The following PTPRD variants were observed in gnomAD, a reference collection of about 807,000 sequenced individuals.
PTPRD encodes the protein receptor-type tyrosine-protein phosphatase delta.
A neutral mutation model predicts 214.5 loss-of-function variants in PTPRD; 34 were observed. The ratio of observed to expected loss-of-function variants is 0.16; its 90% CI spans 0.12 to 0.21. The LOEUF is 0.21. Ranked by LOEUF, PTPRD falls within the 10% of genes least tolerant of loss-of-function variation. PTPRD has a pLI of 1.00. For missense variants in PTPRD, 2,545 were observed against 2,398.7 expected (o/e 1.06, Z -1.27); for synonymous variants, 1,128 against 845.7 (o/e 1.33, Z -5.79).
At chr9:10,593,928 T>C (rs1460632674) in intron 2 of PTPRD, among the ~76,000 whole-genome samples, 1 of 152,012 alleles carries the variant, frequency 6.6e-6, no homozygotes, top group Non-Finnish European at 1.5e-5. Flanking sequence ...AGCTTTTCTC[T>C]CTCAATGCCA....
At chr9:9,540,653 AAT>A (rs2077401420) in intron 8 of PTPRD, among the ~76,000 whole-genome samples, 1 of 151,772 alleles carries the variant, frequency 6.6e-6, no homozygotes, top group South Asian at 2.1e-4. Context: ...TGTGGTAAAA[AAT>A]ATGTTTTATT....
At chr9:8,875,680 T>A (rs1368922572) in intron 11 of PTPRD, among the ~76,000 whole-genome samples, 1 of 152,170 alleles carries the variant, frequency 6.6e-6, no homozygotes, top group Non-Finnish European at 1.5e-5. Flanking sequence ...TGCTCAATAA[T>A]AAGCATCACC....
At chr9:9,026,372 C>G (rs1045872951) in intron 10 of PTPRD, among the ~76,000 whole-genome samples, 1 of 151,798 alleles carries the variant, frequency 6.6e-6, no homozygotes, top group Non-Finnish European at 1.5e-5. Context: ...TTATGTAAGG[C>G]TTTGTAAGTC....
chr9:9,740,361 A>ATTTTTTTTTTTTTTTTTT (rs35876773), intron 6 of PTPRD, among the ~76,000 whole-genome samples: 2 of 145,600 alleles, frequency 1.4e-5, no homozygotes, highest in African/African-American at 2.5e-5. Context: ...TAAAACTACT[A>ATTTTTTTTTTTTTTTTTT]TTTTTTTTTT....
intron 9 of PTPRD, among the ~76,000 whole-genome samples, chr9:9,299,134 G>C (rs1019514789): frequency 6.6e-6 from 1 of 151,726 alleles, no homozygotes; most frequent in Non-Finnish European, 1.5e-5. Context: ...ATATAGGGAG[G>C]TGAACGGTAA....
At chr9:8,491,488 A>G (rs1475085485) in intron 27 of PTPRD, among the ~76,000 whole-genome samples, 1 of 152,154 alleles carries the variant, frequency 6.6e-6, no homozygotes, top group African/African-American at 2.4e-5. Flanking sequence ...TGACATATTT[A>G]TAAGTGTAGG....
At chr9:10,082,840 A>AACACACACACACACACAAACACAC (rs2098265533) in intron 3 of PTPRD, among the ~76,000 whole-genome samples, 9 of 128,232 alleles carry the variant, frequency 7.0e-5, no homozygotes, top group African/African-American at 2.6e-4. Flanking sequence ...CACACACACA[A>AACACACACACACACACAAACACAC]ACACACACAC....
At chr9:9,361,711 C>G (rs1424796660) in intron 9 of PTPRD, among the ~76,000 whole-genome samples, 1 of 151,118 alleles carries the variant, frequency 6.6e-6, no homozygotes, top group Non-Finnish European at 1.5e-5. Flanking sequence ...ACTACAGTCA[C>G]TCTAGTGTGG....
At chr9:8,985,451 A>T (rs1589316448) in intron 11 of PTPRD, among the ~76,000 whole-genome samples, 1 of 152,098 alleles carries the variant, frequency 6.6e-6, no homozygotes, top group Admixed American at 6.6e-5. Context: ...AAAAGCAATG[A>T]CAGGTAACAT....
chr9:9,604,022 C>T lies in PTPRD; in HGVS notation c.-286-29241G>A, dbSNP rs1321848758. ...AATTTTATTTTTGCTGTGAAATATACTACTTTTAACTAAAAATTTTGTGGC... is the reference window on the plus strand; with the variant it reads ...AATTTTATTTTTGCTGTGAAATATATTACTTTTAACTAAAAATTTTGTGGC... On this transcript the variant is annotated intron_variant, in intron 7 of 45. Coordinates refer to ENST00000381196, the MANE Select transcript of PTPRD (RefSeq NM_002839.4). Among the ~76,000 whole-genome samples, 4 of 151,976 alleles carry T rather than the reference C, an allele frequency of 2.6e-5. No individual in the cohort carries two copies. The South Asian group carries it at 6.2e-4, about 24-fold the overall frequency.
At chr9:8,694,508 T>G (rs535289556) in intron 12 of PTPRD, among the ~76,000 whole-genome samples, 1 of 152,266 alleles carries the variant, frequency 6.6e-6, no homozygotes, top group East Asian at 1.9e-4. Context: ...AAGTTAAATG[T>G]ATAAGAAAAA....
intron 2 of PTPRD, among the ~76,000 whole-genome samples, chr9:10,439,726 T>A (rs1479027860): frequency 6.6e-6 from 1 of 151,826 alleles, no homozygotes; most frequent in East Asian, 1.9e-4. Context: ...CAATTATTTT[T>A]CCTACTTTTC....
intron 3 of PTPRD, among the ~76,000 whole-genome samples, chr9:10,075,197 C>T (rs1170736578): frequency 6.6e-6 from 1 of 152,058 alleles, no homozygotes; most frequent in Admixed American, 6.6e-5. Flanking sequence ...CAATAACCTA[C>T]ATTCATTTTT....
chr9:9,956,323 A>C (rs1199438810), intron 4 of PTPRD, among the ~76,000 whole-genome samples: 1 of 151,568 alleles, frequency 6.6e-6, no homozygotes, highest in Non-Finnish European at 1.5e-5. Context: ...GAGTGTTATG[A>C]GACAAAAGTA....
At chr9:9,530,119 C>T (rs916183465) in intron 8 of PTPRD, among the ~76,000 whole-genome samples, 2 of 151,850 alleles carry the variant, frequency 1.3e-5, no homozygotes, top group Non-Finnish European at 1.5e-5. Flanking sequence ...ACAAACCAAA[C>T]TCAAAATTGG....
At chr9:8,544,761 A>C (rs2079511755) in intron 14 of PTPRD, among the ~76,000 whole-genome samples, 1 of 151,746 alleles carries the variant, frequency 6.6e-6, no homozygotes, top group East Asian at 1.9e-4. Context: ...ATGAGCCACC[A>C]TGCCTGGTCG....
At chr9:9,148,318 A>C (rs776225872) in intron 10 of PTPRD, among the ~76,000 whole-genome samples, 2 of 152,336 alleles carry the variant, frequency 1.3e-5, no homozygotes, top group African/African-American at 2.4e-5. Context: ...GTGGTACTTA[A>C]GAAGGCTTAT....
At chr9:10,019,226 G>C (rs2154117376) in intron 4 of PTPRD, among the ~76,000 whole-genome samples, 1 of 152,286 alleles carries the variant, frequency 6.6e-6, no homozygotes, top group Non-Finnish European at 1.5e-5. Flanking sequence ...ACCACAGTGA[G>C]ATACCATCTC....
At chr9:9,486,185 A>AAAAAAAC (rs2095628114) in intron 8 of PTPRD, among the ~76,000 whole-genome samples, 2 of 136,178 alleles carry the variant, frequency 1.5e-5, no homozygotes, top group Non-Finnish European at 1.6e-5. Flanking sequence ...AAAAAAAAAA[A>AAAAAAAC]GCCTTCCCTT....
Sources: allele counts gnomAD v4.1 joint callset (sites outside exome capture counted in the v4.1 genomes callset), GRCh38; gene constraint gnomAD v4.1.1; transcripts MANE v1.5; gene names NCBI Gene and HGNC (gene_info 2026-07-23, HGNC 2026-07-21).